The following FBXO47 variants were observed in gnomAD, a reference collection of about 807,000 sequenced individuals.
FBXO47 encodes the protein F-box only protein 47.
Under a neutral mutation model 53.9 loss-of-function variants are expected in FBXO47, and 34 were observed. That is an observed-to-expected ratio of 0.63 (90% confidence interval 0.48 to 0.84). FBXO47 has a LOEUF of 0.84. Among genes scored for constraint, FBXO47 ranks in the 40% least tolerant of loss-of-function variants. The probability of loss-of-function intolerance (pLI) is 0.00; values close to 1 mark genes in which losing one functional copy is unlikely to be tolerated. For synonymous variants in FBXO47, 165 were observed against 181.6 expected (o/e 0.91, Z 0.73); for missense variants, 485 against 541.3 (o/e 0.90, Z 1.03).
rs372574980 is a variant in FBXO47, at chr17:38,946,853, AAT to A, written c.617-1719_617-1718del. On this transcript the variant is annotated intron_variant, in intron 6 of 10. Coordinates refer to ENST00000378079, the MANE Select transcript of FBXO47 (RefSeq NM_001008777.3). ...ATATAAATATATATAAACATATAAA[AAT>A]ATATATAAATATATAAACATATATA... Among the ~76,000 whole-genome samples, 7 of 115,534 alleles carry A rather than the reference AAT, an allele frequency of 6.1e-5. No individual in the cohort carries two copies. The East Asian group carries it at 9.7e-4, about 16-fold the overall frequency. The allele number at this position is 115,534 out of a possible 152,430, so 75.8% of individuals were successfully genotyped here.
At chr17:38,964,977 G>A (rs981546745) in intron 1 of FBXO47, among the ~76,000 whole-genome samples, 5 of 151,738 alleles carry the variant, frequency 3.3e-5, no homozygotes, top group Non-Finnish European at 4.4e-5. Flanking sequence ...GCCACCACTA[G>A]TAGCTGGGAT....
At chr17:38,960,038 C>A (rs1011766847) in intron 3 of FBXO47, among the ~76,000 whole-genome samples, 1 of 151,896 alleles carries the variant, frequency 6.6e-6, no homozygotes, top group African/African-American at 2.4e-5. Flanking sequence ...AACTCCTGGG[C>A]TCAAGCGATC....
chr17:38,946,394 A>ATATAAC (rs1567716720), intron 6 of FBXO47, among the ~76,000 whole-genome samples: 1 of 55,916 alleles, frequency 1.8e-5, no homozygotes, highest in Non-Finnish European at 2.9e-5. Context: ...ATATATATCT[A>ATATAAC]TATATAAATA....
chr17:38,954,820 G>T (rs1015870783), intron 5 of FBXO47, 36 bp downstream of exon 5: 2 of 1,250,230 alleles, frequency 1.6e-6, no homozygotes, highest in African/African-American at 1.5e-5. Context: ...CAGTTCCAAA[G>T]GTATCCCTTT....
Position 38,937,194 on chromosome 17 carries a change from T to C in FBXO47, c.1340A>G (p.Asn447Ser). 2.6e-6 allele frequency: 4 copies of C among 1,564,838 alleles called. No homozygotes were observed. The highest frequency in any genetic ancestry group is 3.5e-6 in the Non-Finnish European group (4 of 1,137,412). ...FHKEVLYLTM[N>S]TPLST ...GAGGATTTAGGTAGACAGAGGAGTATTCATGGTCAAATACAGGACCTCCTT... is the reference window on the plus strand; with the variant it reads ...GAGGATTTAGGTAGACAGAGGAGTACTCATGGTCAAATACAGGACCTCCTT... Residue 447 changes from asparagine to serine, a missense_variant, in exon 11 of 11, where the codon AAT becomes AGT. Transcript: ENST00000378079.
rs780184134 is a variant in FBXO47, at chr17:38,962,985, T to C, written c.41A>G (p.Asn14Ser). 2 of 1,611,588 alleles carry C rather than the reference T, an allele frequency of 1.2e-6. No individual in the cohort carries two copies. The highest frequency in any genetic ancestry group is 2.2e-5 in the East Asian group (1 of 44,842). The change falls in exon 2 of 11, where the codon AAC (asparagine) becomes AGC (serine). Residue 14 changes from asparagine to serine, a missense_variant. Asn to Ser is a conservative substitution (Grantham distance 46, BLOSUM62 1). Coordinates refer to ENST00000378079, the MANE Select transcript of FBXO47 (RefSeq NM_001008777.3). ...RINTNFTLIP[N>S]QKLRRSNRQT... ...ACGATTACTACGTCTAAGTTTCTGG[T>C]TGGGAATCAAAGTGAAATTTGTATT...
At chr17:38,946,789 AATAT>A (rs1378048207) in intron 6 of FBXO47, among the ~76,000 whole-genome samples, 1 of 94,424 alleles carries the variant, frequency 1.1e-5, no homozygotes, top group Non-Finnish European at 1.7e-5. Context: ...TAAACATATA[AATAT>A]ATATAGATAT....
chr17:38,950,203 C>T (rs957071833), intron 6 of FBXO47, among the ~76,000 whole-genome samples: 2 of 151,884 alleles, frequency 1.3e-5, no homozygotes, highest in African/African-American at 4.8e-5. Flanking sequence ...CTCCTGGTAA[C>T]CTCAAATCTA....
chr17:38,951,060 C>G (rs553322739), intron 6 of FBXO47, among the ~76,000 whole-genome samples: 28 of 152,106 alleles, frequency 1.8e-4, no homozygotes, highest in Admixed American at 7.2e-4. Flanking sequence ...GCTATCATGG[C>G]TGGCTAATTT....
rs8072207 is a variant in FBXO47 at position 38,937,073 on chromosome 17, G to A, written c.*102C>T. 7.1e-4 allele frequency: 336 copies of A among 471,562 alleles called. 2 individuals carry two copies. Among genetic ancestry groups the A allele is most frequent in the African/African-American group, 6.5e-3 (323 of 49,648 alleles). The allele number at this position is 471,562 out of a possible 1,614,324, so 29.2% of individuals were successfully genotyped here. On this transcript the variant is annotated 3_prime_UTR_variant, in exon 11 of 11. Coordinates refer to ENST00000378079, the MANE Select transcript of FBXO47 (RefSeq NM_001008777.3). ...AGCTTTTGAATTCTTAGGTTACTTA[G>A]ATGATAAAAAGTCCCATGGATGCTA...
chr17:38,958,431 G>T (rs1905660025), intron 3 of FBXO47, among the ~76,000 whole-genome samples: 1 of 148,138 alleles, frequency 6.8e-6, no homozygotes. Flanking sequence ...GGACTTGCAT[G>T]TTAAGAATGT....
chr17:38,947,413 TG>T (rs1240946819), intron 6 of FBXO47, among the ~76,000 whole-genome samples: 2 of 151,946 alleles, frequency 1.3e-5, no homozygotes, highest in Non-Finnish European at 2.9e-5. Flanking sequence ...ACTACAACCT[TG>T]AACTCCTGAG....
intron 4 of FBXO47, among the ~76,000 whole-genome samples, chr17:38,955,958 CAA>C (rs34218216): frequency 5.3e-4 from 16 of 30,274 alleles, no homozygotes; most frequent in African/African-American, 1.0e-3. Context: ...ACTCCATCTC[CAA>C]AAAAAAAAAA....
chr17:38,957,944 C>T (rs1905635909), intron 3 of FBXO47, among the ~76,000 whole-genome samples: 1 of 152,074 alleles, frequency 6.6e-6, no homozygotes, highest in Non-Finnish European at 1.5e-5. Context: ...AGTGATTCTC[C>T]TGCCTCAGCC....
Position 38,955,170 on chromosome 17 carries a change from G to A in FBXO47, c.430-237C>T, listed in dbSNP as rs563317493. Among the ~76,000 whole-genome samples the A allele has an allele frequency of 7.2e-5, 11 of 152,114 alleles. No individual in the cohort carries two copies. In the East Asian group the frequency reaches 1.2e-3, roughly 16 times the overall value. ...TGGGAGGCCGAGGTGGGCAGATCAC[G>A]AGGTCAGGAGATCGAGACCATCCTG... On this transcript the variant is annotated intron_variant, in intron 4 of 10. Transcript: ENST00000378079.
At position 38,951,423 on chromosome 17, in the gene FBXO47, G is replaced by A. The variant is rs577334119; in HGVS notation, c.616+158C>T. Reference sequence around the variant, plus strand: ...TGCCTAGGCTGCTCTTGAACTTCTGGACTCAAGTGATCCTCCCACCTTGGC... The same window carrying A: ...TGCCTAGGCTGCTCTTGAACTTCTGAACTCAAGTGATCCTCCCACCTTGGC... On this transcript the variant is annotated intron_variant, in intron 6 of 10. Coordinates refer to ENST00000378079, the MANE Select transcript of FBXO47 (RefSeq NM_001008777.3). Among the ~76,000 whole-genome samples, 106 of 151,926 alleles carry A rather than the reference G, an allele frequency of 7.0e-4. 3 individuals are homozygous for A. The South Asian group carries it at 0.022, about 31-fold the overall frequency.
chr17:38,955,932 TA>T (rs1598146880), intron 4 of FBXO47, among the ~76,000 whole-genome samples: 5 of 125,396 alleles, frequency 4.0e-5, no homozygotes, highest in South Asian at 2.4e-4. Flanking sequence ...CACTCCAGCC[TA>T]GGCGGCAGAG....
intron 6 of FBXO47, among the ~76,000 whole-genome samples, chr17:38,947,061 A>AATATATATAAACATATATAAAC (rs1366191929): frequency 4.4e-5 from 6 of 136,602 alleles, no homozygotes; most frequent in South Asian, 2.3e-4. Flanking sequence ...AACATATATA[A>AATATATATAAACATATATAAAC]ATATATATAA....
intron 9 of FBXO47, among the ~76,000 whole-genome samples, chr17:38,939,652 CTTTTTTT>C (rs970784178): frequency 2.3e-4 from 21 of 91,122 alleles, no homozygotes; most frequent in Middle Eastern, 0.011. Context: ...TAAAAGGTTT[CTTTTTTT>C]TTTTTTTTTT....
Sources: gnomAD v4.1 joint callset for allele counts (sites outside exome capture counted in the v4.1 genomes callset) on GRCh38, gnomAD v4.1.1 for gene constraint, MANE v1.5 for transcripts, NCBI Gene and HGNC (gene_info 2026-07-23, HGNC 2026-07-21) for gene names.